PDE4D: variants seen among roughly 807,000 people sequenced by gnomAD.
The protein encoded by PDE4D is 3',5'-cyclic-AMP phosphodiesterase 4D.
In PDE4D, 24 loss-of-function variants were observed where a neutral mutation model predicts 87.4. The ratio of observed to expected loss-of-function variants is 0.27; its 90% CI spans 0.20 to 0.39. The LOEUF is 0.39. PDE4D is among the 10% of genes least tolerant of loss of function. The pLI is 1.00. For synonymous variants in PDE4D, 384 were observed against 383.2 expected (o/e 1.00, Z -0.02); for missense variants, 714 against 1,041.0 (o/e 0.69, Z 4.32).
At chr5:59,179,888 G>A (rs1396187341) in intron 5 of PDE4D, among the ~76,000 whole-genome samples, 2 of 152,156 alleles carry the variant, frequency 1.3e-5, no homozygotes, top group African/African-American at 2.4e-5. Context: ...TTGGTTTCAG[G>A]TTCAGCAAAA....
intron 1 of PDE4D, among the ~76,000 whole-genome samples, chr5:59,594,292 TTTTATTTATTTATTTATTTATTTA>T (rs142839056): frequency 5.0e-5 from 7 of 141,026 alleles, no homozygotes; most frequent in Admixed American, 3.6e-4. Context: ...AACTTTTTTA[TTTTATTTATTTATTTATTTATTTA>T]TTTATTTATT....
At chr5:59,457,411 TA>T (rs1800092885) in intron 1 of PDE4D, among the ~76,000 whole-genome samples, 1 of 152,234 alleles carries the variant, frequency 6.6e-6, no homozygotes, top group Non-Finnish European at 1.5e-5. Flanking sequence ...TAATAGACTA[TA>T]GTGTAAACAT....
intron 2 of PDE4D, among the ~76,000 whole-genome samples, chr5:60,162,476 G>C (rs1183632976): frequency 6.6e-6 from 1 of 152,066 alleles, no homozygotes; most frequent in Non-Finnish European, 1.5e-5. Context: ...CATCATTTGA[G>C]TTGTTTGGAG....
rs764742925 is a variant in PDE4D at position 59,043,173 on chromosome 5, A to C, written c.809-4202T>G. Among the ~76,000 whole-genome samples, 3 of 152,246 alleles carry C rather than the reference A, an allele frequency of 2.0e-5. No individual in the cohort carries two copies. The East Asian group carries it at 5.8e-4, about 29-fold the overall frequency. On this transcript the variant is annotated intron_variant, in intron 5 of 14. Coordinates refer to ENST00000340635, the MANE Select transcript of PDE4D (RefSeq NM_001104631.2). Reference sequence around the variant, plus strand: ...TACATGAAGAGAACAAGTCCAAAAAATACCACTTATTTTGGACACTATTTG... The same window carrying C: ...TACATGAAGAGAACAAGTCCAAAAACTACCACTTATTTTGGACACTATTTG...
At chr5:60,330,433 G>A (rs552130944) in intron 1 of PDE4D, among the ~76,000 whole-genome samples, 1 of 152,184 alleles carries the variant, frequency 6.6e-6, no homozygotes, top group African/African-American at 2.4e-5. Flanking sequence ...AGGAATTAGG[G>A]AAGTATGTTC....
intron 1 of PDE4D, among the ~76,000 whole-genome samples, chr5:59,861,475 T>C (rs1005050313): frequency 6.6e-6 from 1 of 152,170 alleles, no homozygotes; most frequent in African/African-American, 2.4e-5. Flanking sequence ...ATTTCCCCTA[T>C]TCCCCCCAAA....
intron 1 of PDE4D, among the ~76,000 whole-genome samples, chr5:60,512,875 GA>G (rs1426123882): frequency 6.6e-6 from 1 of 152,144 alleles, no homozygotes; most frequent in Non-Finnish European, 1.5e-5. Context: ...TATCTAAATA[GA>G]TATTGACTGT....
chr5:60,222,950 A>G (rs1744664959), intron 1 of PDE4D, among the ~76,000 whole-genome samples: 1 of 152,184 alleles, frequency 6.6e-6, no homozygotes, highest in Non-Finnish European at 1.5e-5. Context: ...ATTGCACAAT[A>G]TAAGCTATAA....
chr5:59,954,868 T>G (rs1758671702), intron 3 of PDE4D, among the ~76,000 whole-genome samples: 1 of 152,204 alleles, frequency 6.6e-6, no homozygotes, highest in Non-Finnish European at 1.5e-5. Flanking sequence ...ACATATTTGT[T>G]TAATCTAAAT....
chr5:59,690,984 T>A (rs139838000), intron 1 of PDE4D, among the ~76,000 whole-genome samples: 1 of 152,144 alleles, frequency 6.6e-6, no homozygotes, highest in Admixed American at 6.5e-5. Context: ...CATCATCACT[T>A]GGCCATCAGA....
intron 6 of PDE4D, among the ~76,000 whole-genome samples, chr5:59,014,503 A>G (rs532098359): frequency 6.6e-6 from 1 of 152,346 alleles, no homozygotes; most frequent in Non-Finnish European, 1.5e-5. Flanking sequence ...TACACCAATA[A>G]CAGACAAACA....
chr5:59,771,549 A>AGAAAGAAG (rs1763582815), intron 1 of PDE4D, among the ~76,000 whole-genome samples: 1 of 139,412 alleles, frequency 7.2e-6, no homozygotes, highest in Non-Finnish European at 1.5e-5. Context: ...AAAGAAAGAA[A>AGAAAGAAG]GAAAAGAAAG....
intron 2 of PDE4D, among the ~76,000 whole-genome samples, chr5:60,077,074 AGG>A (rs1483846918): frequency 6.6e-6 from 1 of 152,124 alleles, no homozygotes; most frequent in African/African-American, 2.4e-5. Context: ...TGCTCAAGGC[AGG>A]GGTGACTCTG....
intron 1 of PDE4D, among the ~76,000 whole-genome samples, chr5:60,415,725 C>T (rs866708773): frequency 6.6e-4 from 101 of 152,340 alleles, no homozygotes; most frequent in Middle Eastern, 6.8e-3. Context: ...CTGTGCAGCC[C>T]GAGCCTCCCT....
intron 1 of PDE4D, among the ~76,000 whole-genome samples, chr5:59,442,727 G>A (rs1365222496): frequency 3.3e-5 from 5 of 152,186 alleles, no homozygotes; most frequent in Non-Finnish European, 5.9e-5. Context: ...AAGGTTACCT[G>A]GCAGTAGAGG....
intron 6 of PDE4D, among the ~76,000 whole-genome samples, chr5:59,025,476 A>T (rs1226549156): frequency 6.6e-6 from 1 of 152,236 alleles, no homozygotes; most frequent in Non-Finnish European, 1.5e-5. Context: ...AAAGACACAC[A>T]ATCACTTGTA....
intron 5 of PDE4D, among the ~76,000 whole-genome samples, chr5:59,090,260 A>G (rs1481461505): frequency 1.3e-5 from 2 of 152,186 alleles, no homozygotes. Context: ...GCTAATAGTG[A>G]TCAGTTGATG....
intron 1 of PDE4D, among the ~76,000 whole-genome samples, chr5:60,331,559 C>A (rs868227895): frequency 6.6e-6 from 1 of 152,224 alleles, no homozygotes; most frequent in Non-Finnish European, 1.5e-5. Context: ...GAAGGATAGA[C>A]CTGTGTCTTG....
chr5:59,467,023 G>A (rs1008634753), intron 1 of PDE4D, among the ~76,000 whole-genome samples: 9 of 152,136 alleles, frequency 5.9e-5, no homozygotes, highest in East Asian at 3.8e-4. Context: ...CAAATGTGAC[G>A]TTGTTATAAG....
Sources: allele counts gnomAD v4.1 joint callset (sites outside exome capture counted in the v4.1 genomes callset), GRCh38; gene constraint gnomAD v4.1.1; transcripts MANE v1.5; gene names NCBI Gene and HGNC (gene_info 2026-07-23, HGNC 2026-07-21).